GPHN: variants seen among roughly 807,000 people sequenced by gnomAD.
The protein encoded by GPHN is gephyrin.
Under a neutral mutation model 95.5 loss-of-function variants are expected in GPHN, and 17 were observed. The ratio of observed to expected loss-of-function variants is 0.18; its 90% confidence interval spans 0.12 to 0.27. The LOEUF is 0.27. GPHN is among the 10% of genes least tolerant of loss of function. The probability of loss-of-function intolerance (pLI) is 1.00; values close to 1 mark genes in which losing one functional copy is unlikely to be tolerated. For synonymous variants in GPHN, 320 were observed against 322.5 expected (o/e 0.99, Z 0.08); for missense variants, 660 against 978.1 (o/e 0.67, Z 4.34).
intron 21 of GPHN, among the ~76,000 whole-genome samples, chr14:67,171,706 A>G (rs542391860): frequency 6.6e-6 from 1 of 152,300 alleles, no homozygotes; most frequent in Non-Finnish European, 1.5e-5. Flanking sequence ...ATTTTAATGA[A>G]AAAAAACTGA....
the GPHN span, among the ~76,000 whole-genome samples, chr14:67,372,559 G>A: frequency 7.9e-5 from 12 of 152,106 alleles, no homozygotes; most frequent in African/African-American, 2.4e-4. Context: ...GGCTGGGAGC[G>A]GTGGCTCACG....
chr14:66,524,233 C>T (rs1225940719), intron 1 of GPHN, among the ~76,000 whole-genome samples: 2 of 151,890 alleles, frequency 1.3e-5, no homozygotes, highest in Non-Finnish European at 2.9e-5. Flanking sequence ...GGCAGTAATG[C>T]AGGGTGGTAA....
chr14:67,511,092 T>C, the GPHN span, among the ~76,000 whole-genome samples: 1 of 152,266 alleles, frequency 6.6e-6, no homozygotes, highest in Admixed American at 6.5e-5. Flanking sequence ...ACCTTTCCAA[T>C]GGAAACGGAT....
chr14:67,528,086 G>C, the GPHN span, among the ~76,000 whole-genome samples: 1 of 152,210 alleles, frequency 6.6e-6, no homozygotes, highest in African/African-American at 2.4e-5. Context: ...GAGATGGGCT[G>C]GTGGGGACTC....
chr14:66,655,310 G>A (rs1029961547), intron 1 of GPHN, among the ~76,000 whole-genome samples: 4 of 152,020 alleles, frequency 2.6e-5, no homozygotes, highest in African/African-American at 4.8e-5. Context: ...TTTTCAGCAC[G>A]CAAGCCCTAC....
In GPHN at chr14:66,529,728, G is replaced by C. The variant is rs138995071; in HGVS notation, c.64+21137G>C. ...TTCCTTCTAACACTCAGGCCTCTCT[G>C]CTGAAGGTCTGCTCTAGTTTGCTGG... On this transcript the variant is annotated intron_variant, in intron 1 of 22. Transcript: ENST00000478722. Among the ~76,000 whole-genome samples the C allele has an allele frequency of 2.5e-4, 38 of 152,242 alleles. No homozygotes were observed. The East Asian group carries it at 5.6e-3, about 22-fold the overall frequency.
At chr14:66,797,600 TG>T (rs2060204241) in intron 3 of GPHN, among the ~76,000 whole-genome samples, 1 of 151,892 alleles carries the variant, frequency 6.6e-6, no homozygotes, top group African/African-American at 2.4e-5. Flanking sequence ...CTATTGTAAA[TG>T]GGGTTATTTT....
intron 2 of GPHN, among the ~76,000 whole-genome samples, chr14:66,775,102 G>A (rs1008086873): frequency 6.6e-6 from 1 of 151,406 alleles, no homozygotes; most frequent in Admixed American, 6.6e-5. Context: ...CCGAGGGTTT[G>A]GTGTACAGAT....
At chr14:66,509,000 A>C in intron 1 of GPHN, 1 of 255,102 alleles carries the variant, frequency 3.9e-6, no homozygotes, top group East Asian at 1.1e-4. Context: ...GAGAGGGGGG[A>C]ATCCCATCTC....
chr14:67,323,699 C>T, the GPHN span: 2 of 1,436,730 alleles, frequency 1.4e-6, no homozygotes, highest in African/African-American at 1.5e-5. Flanking sequence ...TGTCTCTTTA[C>T]AGTCATTGAA....
At chr14:67,197,086 A>C in the GPHN span, 2 of 152,024 alleles carry the variant, frequency 1.3e-5, no homozygotes, top group Non-Finnish European at 2.9e-5. Flanking sequence ...GCACCACCAC[A>C]CCTGGCTAAT....
intron 1 of GPHN, among the ~76,000 whole-genome samples, chr14:66,615,485 T>C (rs1361642462): frequency 6.6e-6 from 1 of 151,946 alleles, no homozygotes; most frequent in African/African-American, 2.4e-5. Context: ...TTTTTTTTTT[T>C]TTTTGTATGT....
chr14:66,552,013 C>T (rs962521193), intron 1 of GPHN, among the ~76,000 whole-genome samples: 2 of 152,158 alleles, frequency 1.3e-5, no homozygotes, highest in Non-Finnish European at 2.9e-5. Flanking sequence ...ATCTTTGAAA[C>T]CTTGTCACTG....
the GPHN span, among the ~76,000 whole-genome samples, chr14:67,266,067 A>T: frequency 6.6e-6 from 1 of 152,098 alleles, no homozygotes; most frequent in East Asian, 1.9e-4. Context: ...TCTGCTTCCC[A>T]AAGTGTTGGG....
intron 1 of GPHN, among the ~76,000 whole-genome samples, chr14:66,634,417 T>A (rs2063992119): frequency 6.6e-6 from 1 of 152,006 alleles, no homozygotes; most frequent in African/African-American, 2.4e-5. Context: ...TAGCCTGCAG[T>A]TGTTTGTGGA....
the GPHN span, among the ~76,000 whole-genome samples, chr14:67,207,486 C>G: frequency 6.6e-6 from 1 of 151,904 alleles, no homozygotes; most frequent in Non-Finnish European, 1.5e-5. Flanking sequence ...CCACTAGGCC[C>G]ACTTCCAACA....
chr14:67,198,285 G>A, the GPHN span: 1 of 1,613,774 alleles, frequency 6.2e-7, no homozygotes, highest in Non-Finnish European at 8.5e-7. Flanking sequence ...TGCCCCTTTT[G>A]TATCTCCTCC....
the GPHN span, among the ~76,000 whole-genome samples, chr14:67,225,883 C>T: frequency 6.6e-6 from 1 of 150,884 alleles, no homozygotes; most frequent in Admixed American, 6.6e-5. Flanking sequence ...AATTTTAGGG[C>T]CATTGTGTCT....
intron 1 of GPHN, among the ~76,000 whole-genome samples, chr14:66,650,824 C>T (rs1264493492): frequency 6.6e-6 from 1 of 152,172 alleles, no homozygotes; most frequent in Non-Finnish European, 1.5e-5. Flanking sequence ...GATGGAGCAG[C>T]TACCATTACT....
Sources: gnomAD v4.1 joint callset for allele counts (sites outside exome capture counted in the v4.1 genomes callset) on GRCh38, gnomAD v4.1.1 for gene constraint, MANE v1.5 for transcripts, NCBI Gene and HGNC (gene_info 2026-07-23, HGNC 2026-07-21) for gene names.